RTN3: variants seen among roughly 807,000 people sequenced by gnomAD.
RTN3 encodes the protein reticulon 3.
RTN3 carries 49 observed loss-of-function variants against 77.8 expected under a neutral mutation model. The ratio of observed to expected loss-of-function variants is 0.63; its 90% CI spans 0.50 to 0.80. The LOEUF (loss-of-function observed/expected upper bound fraction) is 0.80. Ranked by LOEUF, RTN3 falls within the 30% of genes least tolerant of loss-of-function variation. The pLI, the probability that RTN3 is intolerant of heterozygous loss-of-function variation, is 0.00. For missense variants in RTN3, 1,236 were observed against 1,211.9 expected, an observed-to-expected ratio of 1.02 and a Z score of -0.29; for synonymous variants, 464 against 446.9, an observed-to-expected ratio of 1.04 and a Z score of -0.48.
chr11:63,700,414 T>C (rs942894561), intron 1 of RTN3, among the ~76,000 whole-genome samples: 1 of 151,510 alleles, frequency 6.6e-6, no homozygotes, highest in Admixed American at 6.6e-5. Flanking sequence ...TAGCTGGGAC[T>C]ATAGGCTCAT....
chr11:63,689,780 C>T (rs1941559271), intron 1 of RTN3, among the ~76,000 whole-genome samples: 1 of 151,192 alleles, frequency 6.6e-6, no homozygotes, highest in South Asian at 2.1e-4. Flanking sequence ...TTTTTTGAGA[C>T]AGAATCCCCC....
rs1239057782 is a variant in RTN3 at position 63,733,918 on chromosome 11, A to G, written c.2530+12886A>G. On this transcript the variant is annotated intron_variant, in intron 3 of 8. Transcript: ENST00000377819. ...AAAGAAAAAAAAACACCACATACAT[A>G]CGTATGTATATATGTATATACACAC... 4.6e-5 allele frequency among the ~76,000 whole-genome samples: 7 copies of G among 152,130 alleles called. No individual in the cohort carries two copies. In the South Asian group the frequency reaches 1.2e-3, roughly 27 times the overall value.
In RTN3 at chr11:63,718,796, A is replaced by G; in HGVS notation, c.294A>G (p.Thr98=). 6.2e-7 allele frequency: 1 copy of G among 1,613,846 alleles called. No homozygotes were observed. The highest frequency in any genetic ancestry group is 8.5e-7 in the Non-Finnish European group (1 of 1,179,976). The part of the protein sequence containing the change: ...SSSEIHNTGL[T]ILHGEKSHVL... ...CTGAAATACATAACACTGGCCTTAC[A>G]ATACTACATGGAGAAAAAAGCCATG... The change falls in exon 3 of 9, where the codon ACA becomes ACG. Residue 98 remains threonine (T), a synonymous_variant. Transcript: ENST00000377819.
intron 1 of RTN3, among the ~76,000 whole-genome samples, chr11:63,686,223 C>T (rs1377021143): frequency 1.3e-5 from 2 of 152,154 alleles, no homozygotes; most frequent in Non-Finnish European, 2.9e-5. Context: ...GTAATCCTAG[C>T]ACTTTGGGAG....
At chr11:63,709,258 C>G (rs1024370042) in intron 2 of RTN3, among the ~76,000 whole-genome samples, 4 of 152,172 alleles carry the variant, frequency 2.6e-5, no homozygotes, top group African/African-American at 9.7e-5. Flanking sequence ...CATATTATCA[C>G]TATTAGTGAT....
At position 63,717,512 on chromosome 11, in the gene RTN3, C is replaced by T. The variant is rs188433508; in HGVS notation, c.200-1190C>T. On this transcript the variant is annotated intron_variant, in intron 2 of 8. Transcript: ENST00000377819. Reference sequence around the variant, plus strand: ...AAAGGATTCTCCTGCCTCAGCCTCCCGAGTAGCTGGAATTACAGGTGCCTG... The same window carrying T: ...AAAGGATTCTCCTGCCTCAGCCTCCTGAGTAGCTGGAATTACAGGTGCCTG... Among the ~76,000 whole-genome samples, 978 of 150,846 alleles carry T rather than the reference C, an allele frequency of 6.5e-3. 8 individuals carry two copies. The highest frequency in any genetic ancestry group is 9.0e-3 in the Non-Finnish European group (611 of 67,772).
chr11:63,711,564 C>CA (rs2011161713), intron 2 of RTN3, among the ~76,000 whole-genome samples: 1 of 151,204 alleles, frequency 6.6e-6, no homozygotes, highest in Non-Finnish European at 1.5e-5. Flanking sequence ...TAATTTAAAA[C>CA]AAAAAATTTT....
At chr11:63,697,732 T>C (rs1294933853) in intron 1 of RTN3, among the ~76,000 whole-genome samples, 2 of 152,144 alleles carry the variant, frequency 1.3e-5, no homozygotes, top group Non-Finnish European at 2.9e-5. Context: ...CGCCTTGGCC[T>C]CCCAAAGTGC....
intron 2 of RTN3, among the ~76,000 whole-genome samples, chr11:63,717,841 C>G (rs2011495389): frequency 6.6e-6 from 1 of 151,318 alleles, no homozygotes; most frequent in Non-Finnish European, 1.5e-5. Flanking sequence ...ATGGTGAAAC[C>G]CCATCTCTTC....
At chr11:63,692,991 G>T (rs1219152905) in intron 1 of RTN3, among the ~76,000 whole-genome samples, 1 of 152,146 alleles carries the variant, frequency 6.6e-6, no homozygotes, top group Non-Finnish European at 1.5e-5. Flanking sequence ...TGCTGGTCTT[G>T]ACTGAATTCC....
At chr11:63,702,404 A>G (rs1289719713) in intron 1 of RTN3, among the ~76,000 whole-genome samples, 2 of 144,044 alleles carry the variant, frequency 1.4e-5, no homozygotes, top group South Asian at 2.2e-4. Context: ...AACCTCTGCC[A>G]CCCGGGTTCA....
chr11:63,699,958 C>T (rs906864560), intron 1 of RTN3, among the ~76,000 whole-genome samples: 4 of 152,134 alleles, frequency 2.6e-5, no homozygotes, highest in African/African-American at 9.7e-5. Flanking sequence ...GACACAAATA[C>T]AGAATATGAA....
intron 3 of RTN3, among the ~76,000 whole-genome samples, chr11:63,736,414 G>A (rs954264097): frequency 5.3e-5 from 8 of 152,180 alleles, no homozygotes; most frequent in South Asian, 2.1e-4. Context: ...AAGGCCAGGC[G>A]TGGTGGCTCA....
rs34253380 is a variant in RTN3, at chr11:63,688,223, C to CTTT, written c.142+6461_142+6463dup. 9.7e-4 allele frequency among the ~76,000 whole-genome samples: 126 copies of CTTT among 130,248 alleles called. 2 individuals are homozygous for CTTT. The highest frequency in any genetic ancestry group is 1.6e-3 in the Non-Finnish European group (99 of 61,800). 85.4% of individuals were successfully genotyped at this position (130,248 alleles called of 152,430 possible). On this transcript the variant is annotated intron_variant, in intron 1 of 8. Transcript: ENST00000377819. ...CTCCAAGAATAAGAAGTGTGTTTTGCTTTTTTTTTTTTTTTTTTGAGACGG... is the reference window on the plus strand; with the variant it reads ...CTCCAAGAATAAGAAGTGTGTTTTGCTTTTTTTTTTTTTTTTTTTTTGAGACGG...
In RTN3 at chr11:63,758,250, T is replaced by G; in HGVS notation, c.*49T>G. On this transcript the variant is annotated 3_prime_UTR_variant, in exon 9 of 9. Coordinates refer to ENST00000377819, the MANE Select transcript of RTN3 (RefSeq NM_001265589.2). ...CAGTTACTAAAACACCATTTAATAG[T>G]TATAACGTCGTTACTTGTACTATGA... 1 of 1,613,800 alleles carries G rather than the reference T, an allele frequency of 6.2e-7. No homozygotes were observed. Among genetic ancestry groups the G allele is most frequent in the Non-Finnish European group, 8.5e-7 (1 of 1,179,858 alleles).
intron 3 of RTN3, among the ~76,000 whole-genome samples, chr11:63,725,515 C>T (rs958206194): frequency 1.4e-4 from 21 of 151,836 alleles, no homozygotes; most frequent in African/African-American, 4.6e-4. Flanking sequence ...GTGGTGCAAT[C>T]TCCGCTCACT....
intron 3 of RTN3, among the ~76,000 whole-genome samples, chr11:63,735,550 T>TTCTCTCTCTCTCTCCCTCTCTCTCTC (rs2013036497): frequency 2.3e-5 from 1 of 42,686 alleles, no homozygotes; most frequent in African/African-American, 9.0e-5. Context: ...ATTCTAACAT[T>TTCTCTCTCTCTCTCCCTCTCTCTCTC]TCTCTCTCTC....
Position 63,749,847 on chromosome 11 carries a change from C to T in RTN3, c.2531-144C>T, listed in dbSNP as rs568041328. On this transcript the variant is annotated intron_variant, in intron 3 of 8. Coordinates refer to ENST00000377819, the MANE Select transcript of RTN3 (RefSeq NM_001265589.2). ...GGCCAGCCTGGGCAACATAGTGAGA[C>T]CCCATCTCTTTAAAAAAACAAAACC... 42 of 654,566 alleles carry T rather than the reference C, an allele frequency of 6.4e-5. No individual in the cohort carries two copies. The South Asian group carries it at 8.0e-4, about 12-fold the overall frequency. 40.5% of individuals were successfully genotyped at this position (654,566 alleles called of 1,614,324 possible). A position where few individuals can be genotyped will look rare whatever the true frequency, so the allele number is the denominator to read the frequency against.
chr11:63,706,846 G>T (rs1472912485), intron 2 of RTN3, among the ~76,000 whole-genome samples: 1 of 151,162 alleles, frequency 6.6e-6, no homozygotes, highest in Admixed American at 6.6e-5. Context: ...AAGTATTTCA[G>T]ATCTTTAAGA....
Sources: gnomAD v4.1 joint callset for allele counts (sites outside exome capture counted in the v4.1 genomes callset) on GRCh38, gnomAD v4.1.1 for gene constraint, MANE v1.5 for transcripts, NCBI Gene and HGNC (gene_info 2026-07-23, HGNC 2026-07-21) for gene names.